TMEM178B: variants seen among roughly 807,000 people sequenced by gnomAD.
TMEM178B encodes transmembrane protein 178B.
Under a neutral mutation model 31.0 loss-of-function variants are expected in TMEM178B, and 5 were observed. The ratio of observed to expected loss-of-function variants is 0.16; its 90% CI spans 0.08 to 0.34. The LOEUF (loss-of-function observed/expected upper bound fraction) is 0.34. Ranked by LOEUF, TMEM178B falls within the 10% of genes least tolerant of loss-of-function variation. TMEM178B has a pLI of 1.00. For missense variants in TMEM178B, 275 were observed against 400.3 expected (o/e 0.69, Z 2.67); for synonymous variants, 164 against 164.0 (o/e 1.00, Z 0.00).
At chr7:141,156,499 C>T (rs1796072131) in intron 1 of TMEM178B, among the ~76,000 whole-genome samples, 1 of 152,112 alleles carries the variant, frequency 6.6e-6, no homozygotes, top group South Asian at 2.1e-4. Flanking sequence ...AAAACGTCAG[C>T]CACATTTCTT....
chr7:141,366,373 C>T (rs1224798589), intron 2 of TMEM178B, among the ~76,000 whole-genome samples: 3 of 152,262 alleles, frequency 2.0e-5, no homozygotes, highest in South Asian at 4.1e-4. Context: ...GCAAGGGTCA[C>T]GACAAATTTG....
At chr7:141,438,399 T>TTGTG (rs1801590100) in intron 3 of TMEM178B, among the ~76,000 whole-genome samples, 2 of 152,054 alleles carry the variant, frequency 1.3e-5, no homozygotes, top group Non-Finnish European at 2.9e-5. Flanking sequence ...TCCACTCCTC[T>TTGTG]TGTGTCTCTT....
chr7:141,369,859 T>C (rs2116566130), intron 2 of TMEM178B, among the ~76,000 whole-genome samples: 1 of 152,214 alleles, frequency 6.6e-6, no homozygotes, highest in East Asian at 1.9e-4. Flanking sequence ...TGGGGAAATA[T>C]TCTATTGCTT....
At chr7:141,386,480 C>A (rs1226309491) in intron 2 of TMEM178B, among the ~76,000 whole-genome samples, 1 of 152,094 alleles carries the variant, frequency 6.6e-6, no homozygotes, top group African/African-American at 2.4e-5. Context: ...TGTTTGTTTT[C>A]TCTGGACACG....
intron 1 of TMEM178B, among the ~76,000 whole-genome samples, chr7:141,204,773 G>C (rs773052464): frequency 1.6e-4 from 25 of 152,210 alleles, no homozygotes; most frequent in Admixed American, 3.3e-4. Context: ...ATATAACTCA[G>C]GGCTTCCTAT....
intron 1 of TMEM178B, among the ~76,000 whole-genome samples, chr7:141,102,479 T>A (rs1795074574): frequency 6.6e-6 from 1 of 152,192 alleles, no homozygotes; most frequent in South Asian, 2.1e-4. Context: ...ACATGTTTTT[T>A]GGGAGTTGGG....
rs183175488 is a variant in TMEM178B, at chr7:141,203,187, G to A, written c.383-9404G>A. 4.3e-3 allele frequency among the ~76,000 whole-genome samples: 657 copies of A among 152,334 alleles called. 3 individuals are homozygous for A. The highest frequency in any genetic ancestry group is 6.5e-3 in the Non-Finnish European group (444 of 68,032). ...AGAAAATGCTCTTTAAAGAGGAGACGAAGCCTGAGCCTTAAATCTCTAACT... is the reference window on the plus strand; with the variant it reads ...AGAAAATGCTCTTTAAAGAGGAGACAAAGCCTGAGCCTTAAATCTCTAACT... On this transcript the variant is annotated intron_variant, in intron 1 of 3. Coordinates refer to ENST00000565468, the MANE Select transcript of TMEM178B (RefSeq NM_001195278.2).
intron 2 of TMEM178B, among the ~76,000 whole-genome samples, chr7:141,428,447 A>G (rs1801362637): frequency 6.6e-6 from 1 of 152,116 alleles, no homozygotes; most frequent in Non-Finnish European, 1.5e-5. Context: ...CTTCCCAATA[A>G]GATCTCAGGA....
chr7:141,348,729 C>T (rs978783528), intron 2 of TMEM178B, among the ~76,000 whole-genome samples: 4 of 152,084 alleles, frequency 2.6e-5, no homozygotes, highest in African/African-American at 7.2e-5. Flanking sequence ...AGAAAGGAGG[C>T]AATTGTAATT....
intron 2 of TMEM178B, among the ~76,000 whole-genome samples, chr7:141,342,123 T>C (rs1799525756): frequency 6.6e-6 from 1 of 152,098 alleles, no homozygotes; most frequent in African/African-American, 2.4e-5. Context: ...AATTTTTGTA[T>C]TTTTAGCAGA....
At chr7:141,280,357 G>A (rs911550872) in intron 2 of TMEM178B, among the ~76,000 whole-genome samples, 1 of 152,240 alleles carries the variant, frequency 6.6e-6, no homozygotes, top group East Asian at 1.9e-4. Context: ...TAATTCCTAC[G>A]TGTTGTGGGA....
intron 1 of TMEM178B, among the ~76,000 whole-genome samples, chr7:141,099,998 G>GT (rs201277646): frequency 0.011 from 1,614 of 151,932 alleles, 51 homozygotes; most frequent in Admixed American, 0.065. Flanking sequence ...TTTTTGTATT[G>GT]TTAGTAGAGA....
At chr7:141,252,523 A>G (rs1797852072) in intron 2 of TMEM178B, among the ~76,000 whole-genome samples, 1 of 152,158 alleles carries the variant, frequency 6.6e-6, no homozygotes, top group Admixed American at 6.5e-5. Context: ...GAAGATGAGA[A>G]TTCCTTGGGC....
chr7:141,097,793 C>CTTTTTTTT (rs552569756), intron 1 of TMEM178B, among the ~76,000 whole-genome samples: 20 of 125,928 alleles, frequency 1.6e-4, no homozygotes, highest in East Asian at 4.5e-4. Flanking sequence ...TTCTTTCTTT[C>CTTTTTTTT]TTTTTTTTTT....
At chr7:141,097,191 C>A (rs1474612522) in intron 1 of TMEM178B, among the ~76,000 whole-genome samples, 4 of 151,218 alleles carry the variant, frequency 2.6e-5, no homozygotes, top group Admixed American at 1.3e-4. Context: ...ATAATGCATC[C>A]CCTTTCAACT....
intron 2 of TMEM178B, among the ~76,000 whole-genome samples, chr7:141,228,888 G>T (rs563798462): frequency 7.9e-5 from 12 of 152,256 alleles, no homozygotes; most frequent in Non-Finnish European, 1.5e-4. Flanking sequence ...CTGAGTGAAA[G>T]GTAAGTGCTG....
Position 141,253,342 on chromosome 7 carries a change from G to T in TMEM178B, c.496+40638G>T, listed in dbSNP as rs536064865. ...CTGTGTTGGGTCCTGATGGATCCAG[G>T]TTCCTCCTTTCTCCGGGGTGTTTGG... On this transcript the variant is annotated intron_variant, in intron 2 of 3. Transcript: ENST00000565468. Among the ~76,000 whole-genome samples the T allele has an allele frequency of 6.4e-4, 97 of 152,202 alleles. 1 individual carries two copies. The South Asian group carries it at 0.017, about 26-fold the overall frequency.
chr7:141,146,357 A>G (rs1479727040), intron 1 of TMEM178B, among the ~76,000 whole-genome samples: 3 of 152,182 alleles, frequency 2.0e-5, no homozygotes, highest in Non-Finnish European at 4.4e-5. Flanking sequence ...GTGAGTGCCT[A>G]GTGGCCTGCG....
In TMEM178B at chr7:141,476,473, T is replaced by C. The variant is rs901294878; in HGVS notation, c.*5687T>C. 1.3e-5 allele frequency: 2 copies of C among 152,154 alleles called. No homozygotes were observed. Among genetic ancestry groups the C allele is most frequent in the Admixed American group, 6.5e-5 (1 of 15,278 alleles). 9.4% of individuals were successfully genotyped at this position (152,154 alleles called of 1,614,324 possible). A position where few individuals can be genotyped will look rare whatever the true frequency, so the allele number is the denominator to read the frequency against. ...TTTTTAATTCTCCTAACGTTATTTC[T>C]AGCTGTACATTCCCAAAAGGAATGG... On this transcript the variant is annotated 3_prime_UTR_variant, in exon 4 of 4. Coordinates refer to ENST00000565468, the MANE Select transcript of TMEM178B (RefSeq NM_001195278.2).
Sources: gnomAD v4.1 joint callset for allele counts (sites outside exome capture counted in the v4.1 genomes callset) on GRCh38, gnomAD v4.1.1 for gene constraint, MANE v1.5 for transcripts, NCBI Gene and HGNC (gene_info 2026-07-23, HGNC 2026-07-21) for gene names.